Variants in PGAP1 observed in about 807,000 individuals in gnomAD.
PGAP1 encodes the protein GPI inositol-deacylase.
In PGAP1, 76 loss-of-function variants were observed where a neutral mutation model predicts 127.0. That is an observed-to-expected ratio of 0.60 (90% CI 0.50 to 0.72). The LOEUF is 0.72. PGAP1 is among the 30% of genes least tolerant of loss of function. The pLI, the probability that PGAP1 is intolerant of heterozygous loss-of-function variation, is 0.00. For synonymous variants in PGAP1, 362 were observed against 366.5 expected, an observed-to-expected ratio of 0.99 and a Z score of 0.14; for missense variants, 982 against 1,071.3, an observed-to-expected ratio of 0.92 and a Z score of 1.16.
At chr2:196,845,379 T>A (rs1356619978) in intron 23 of PGAP1, among the ~76,000 whole-genome samples, 1 of 151,598 alleles carries the variant, frequency 6.6e-6, no homozygotes, top group Admixed American at 6.6e-5. Flanking sequence ...TGCAAAGCTG[T>A]CAGCTTTATC....
chr2:196,887,797 G>C (rs1701966661), intron 10 of PGAP1, among the ~76,000 whole-genome samples: 1 of 152,172 alleles, frequency 6.6e-6, no homozygotes, highest in Admixed American at 6.5e-5. Flanking sequence ...TTCTCTGTAG[G>C]CAAAATACTT....
At chr2:196,886,242 C>T (rs1021193557) in intron 10 of PGAP1, among the ~76,000 whole-genome samples, 3 of 148,496 alleles carry the variant, frequency 2.0e-5, no homozygotes, top group Non-Finnish European at 3.0e-5. Context: ...CTCACTGCAA[C>T]CTCCTCCTCC....
chr2:196,869,751 A>G (rs1267057292), intron 19 of PGAP1, among the ~76,000 whole-genome samples: 1 of 152,238 alleles, frequency 6.6e-6, no homozygotes, highest in Non-Finnish European at 1.5e-5. Context: ...TTAGAATTTT[A>G]TAATGTTCAC....
At chr2:196,893,286 A>G in intron 7 of PGAP1, 41 bp from the exon 8 acceptor site, 1 of 1,085,466 alleles carries the variant, frequency 9.2e-7, no homozygotes, top group South Asian at 1.4e-5. Context: ...TTTTGTATCT[A>G]TTGTAATAGC....
intron 10 of PGAP1, among the ~76,000 whole-genome samples, chr2:196,887,463 GAAGT>G (rs1306243910): frequency 2.0e-5 from 3 of 152,122 alleles, no homozygotes; most frequent in Admixed American, 1.3e-4. Flanking sequence ...AACTTTTAAG[GAAGT>G]AAGAGCAATG....
intron 1 of PGAP1, chr2:196,922,670 T>TA: frequency 6.0e-6 from 1 of 165,864 alleles, no homozygotes; most frequent in Non-Finnish European, 1.1e-5. Context: ...TATTCTTACC[T>TA]ACTTTTTTTT....
At chr2:196,861,192 A>ATTT (rs1701051718) in intron 20 of PGAP1, among the ~76,000 whole-genome samples, 2 of 152,204 alleles carry the variant, frequency 1.3e-5, no homozygotes, top group Non-Finnish European at 2.9e-5. Flanking sequence ...ATCAAAATAA[A>ATTT]GACTTAAATT....
intron 22 of PGAP1, among the ~76,000 whole-genome samples, chr2:196,846,602 T>C (rs1273685855): frequency 6.6e-6 from 1 of 152,196 alleles, no homozygotes; most frequent in Non-Finnish European, 1.5e-5. Context: ...GCAATGTTTT[T>C]GGAGCTTTTA....
Position 196,835,270 on chromosome 2 carries a change from T to C in PGAP1, c.*5964A>G, listed in dbSNP as rs1027315877. ...ACTATGTTAGGTTCCAGTGGACAAG[T>C]TCCCCTGTGAAACATGTGACTATAT... On this transcript the variant is annotated 3_prime_UTR_variant, in exon 27 of 27. Coordinates refer to ENST00000354764, the MANE Select transcript of PGAP1 (RefSeq NM_024989.4). 1 of 152,002 alleles carries C rather than the reference T, an allele frequency of 6.6e-6. No homozygotes were observed. Among genetic ancestry groups the C allele is most frequent in the Non-Finnish European group, 1.5e-5 (1 of 67,880 alleles). 9.4% of individuals were successfully genotyped at this position (152,002 alleles called of 1,614,324 possible).
intron 14 of PGAP1, among the ~76,000 whole-genome samples, chr2:196,875,450 A>T: frequency 6.6e-6 from 1 of 152,290 alleles, no homozygotes. Flanking sequence ...ATAATTTATA[A>T]CTCTATATTA....
intron 26 of PGAP1, among the ~76,000 whole-genome samples, chr2:196,842,371 G>C (rs1350541898): frequency 6.6e-6 from 1 of 152,046 alleles, no homozygotes; most frequent in African/African-American, 2.4e-5. Flanking sequence ...TAGACTAACA[G>C]TATAATGAAC....
At chr2:196,882,246 C>G (rs941519242) in intron 12 of PGAP1, among the ~76,000 whole-genome samples, 1 of 152,210 alleles carries the variant, frequency 6.6e-6, no homozygotes, top group Admixed American at 6.5e-5. Flanking sequence ...GTTTTGGTTA[C>G]TGCAGCCCTG....
intron 13 of PGAP1, among the ~76,000 whole-genome samples, chr2:196,876,992 C>T (rs576075188): frequency 7.8e-4 from 119 of 152,066 alleles, no homozygotes; most frequent in African/African-American, 2.6e-3. Flanking sequence ...ACATTTTTTA[C>T]AAAGTACTTT....
At chr2:196,848,523 C>T (rs1473165444) in intron 20 of PGAP1, among the ~76,000 whole-genome samples, 1 of 152,116 alleles carries the variant, frequency 6.6e-6, no homozygotes, top group Non-Finnish European at 1.5e-5. Flanking sequence ...AAAGATAGGC[C>T]TATTCTGAAC....
rs561900413 is a variant in PGAP1, at chr2:196,840,646, T to A, written c.*588A>T. The A allele has an allele frequency of 5.9e-5, 9 of 152,198 alleles. No individual in the cohort carries two copies. The East Asian group carries it at 1.7e-3, about 29-fold the overall frequency. The allele number at this position is 152,198 out of a possible 1,614,324, so 9.4% of individuals were successfully genotyped here. A position where few individuals can be genotyped will look rare whatever the true frequency, so the allele number is the denominator to read the frequency against. Reference sequence around the variant, plus strand: ...GCATTGGTTACCAAGAAAACATATCTCCTTACCATTCAAAGCTCTATTTTC... The same window carrying A: ...GCATTGGTTACCAAGAAAACATATCACCTTACCATTCAAAGCTCTATTTTC... On this transcript the variant is annotated 3_prime_UTR_variant, in exon 27 of 27. Transcript: ENST00000354764.
intron 18 of PGAP1, 86 bp from the exon 19 acceptor site, chr2:196,871,065 C>A: frequency 2.3e-6 from 2 of 887,520 alleles, no homozygotes; most frequent in South Asian, 3.0e-5. Context: ...ATGCATATCT[C>A]TAAGCATAAT....
chr2:196,873,473 T>G lies in PGAP1; in HGVS notation c.1552+55A>C, dbSNP rs189611804. 6.6e-5 allele frequency: 88 copies of G among 1,326,440 alleles called. No individual in the cohort carries two copies. In the East Asian group the frequency reaches 1.1e-3, roughly 16 times the overall value. 82.2% of individuals were successfully genotyped at this position (1,326,440 alleles called of 1,614,324 possible). A position where few individuals can be genotyped will look rare whatever the true frequency, so the allele number is the denominator to read the frequency against. On this transcript the variant is annotated intron_variant, in intron 16 of 26. Transcript: ENST00000354764. The stretch of plus-strand genomic sequence containing the variant: ...ATAGAAAATTTGAGTTAACACCTAT[T>G]GAGTCTTCAAATGACAATATTATTT...
In PGAP1 at chr2:196,886,699, A is replaced by G. The variant is rs1483490684; in HGVS notation, c.1174-819T>C. Among the ~76,000 whole-genome samples the G allele has an allele frequency of 2.6e-5, 4 of 151,876 alleles. No homozygotes were observed. In the East Asian group the frequency reaches 5.9e-4, roughly 22 times the overall value. On this transcript the variant is annotated intron_variant, in intron 10 of 26. Coordinates refer to ENST00000354764, the MANE Select transcript of PGAP1 (RefSeq NM_024989.4). ...TGAGTTTCCATTTGGTTACCAGCAA[A>G]TAAGTCCCTTTTTTTTTGAGACAGA...
intron 18 of PGAP1, among the ~76,000 whole-genome samples, chr2:196,871,793 T>C (rs1701419154): frequency 6.6e-6 from 1 of 152,164 alleles, no homozygotes; most frequent in African/African-American, 2.4e-5. Context: ...TTAAAGCAGT[T>C]GAGCAGAAAT....
Sources: gnomAD v4.1 joint callset for allele counts (sites outside exome capture counted in the v4.1 genomes callset) on GRCh38, gnomAD v4.1.1 for gene constraint, MANE v1.5 for transcripts, NCBI Gene and HGNC (gene_info 2026-07-23, HGNC 2026-07-21) for gene names.